The following CHST4 variants were observed in gnomAD, a reference collection of about 807,000 sequenced individuals.
CHST4 encodes the protein carbohydrate sulfotransferase 4, also known as GST-3.
For missense variants in CHST4, 466 were observed against 506.0 expected (o/e 0.92, Z 0.76); for synonymous variants, 171 against 195.5 (o/e 0.87, Z 1.05).
chr16:71,536,065 T>C (rs1338208359), intron 1 of CHST4, among the ~76,000 whole-genome samples: 1 of 152,176 alleles, frequency 6.6e-6, no homozygotes, highest in Non-Finnish European at 1.5e-5. Context: ...AGCCAAGCAG[T>C]TGCACAGCCT....
chr16:71,528,906 A>G (rs544192988), intron 1 of CHST4, among the ~76,000 whole-genome samples: 4 of 152,238 alleles, frequency 2.6e-5, no homozygotes, highest in Admixed American at 1.3e-4. Flanking sequence ...TGTGCCAAAC[A>G]TAGATTCTCC....
chr16:71,530,482 T>G (rs945960402), intron 1 of CHST4, among the ~76,000 whole-genome samples: 5 of 151,916 alleles, frequency 3.3e-5, no homozygotes, highest in Non-Finnish European at 7.4e-5. Flanking sequence ...AAAAGATATT[T>G]TGGCCAGGTG....
At chr16:71,536,406 G>A (rs2043988563) in intron 1 of CHST4, among the ~76,000 whole-genome samples, 1 of 152,196 alleles carries the variant, frequency 6.6e-6, no homozygotes, top group Non-Finnish European at 1.5e-5. Context: ...AAACCAATGG[G>A]CAACGTGGCT....
chr16:71,533,254 G>A (rs1212736912), intron 1 of CHST4, among the ~76,000 whole-genome samples: 5 of 151,916 alleles, frequency 3.3e-5, no homozygotes, highest in South Asian at 2.1e-4. Flanking sequence ...GTGAAACCTC[G>A]TTTCTACTAA....
intron 1 of CHST4, among the ~76,000 whole-genome samples, chr16:71,536,221 A>G (rs2043987443): frequency 6.6e-6 from 1 of 152,160 alleles, no homozygotes; most frequent in Non-Finnish European, 1.5e-5. Flanking sequence ...TTCACTAGGT[A>G]GCTTATCTCC....
In CHST4 at chr16:71,530,783, G is replaced by GA. The variant is rs1025369069; in HGVS notation, c.-19+4296dup. ...AGTGAGACCCCCGACTCTAAAAAAG[G>GA]AAAAAAAAGATTTTGGGCCAGGCGT... is the stretch of plus-strand genomic sequence containing the variant. On this transcript the variant is annotated intron_variant, in intron 1 of 1. Transcript: ENST00000539698. Among the ~76,000 whole-genome samples the GA allele has an allele frequency of 6.2e-5, 9 of 144,500 alleles. No individual in the cohort carries two copies. The East Asian group carries it at 8.6e-4, about 14-fold the overall frequency. 94.8% of individuals were successfully genotyped at this position (144,500 alleles called of 152,430 possible). A position where few individuals can be genotyped will look rare whatever the true frequency, so the allele number is the denominator to read the frequency against.
intron 1 of CHST4, among the ~76,000 whole-genome samples, chr16:71,528,491 G>T (rs544579289): frequency 6.6e-6 from 1 of 152,278 alleles, no homozygotes; most frequent in South Asian, 2.1e-4. Context: ...GCCCTGGCGG[G>T]ACCCAGGTCC....
At position 71,537,117 on chromosome 16, in the gene CHST4, TC is replaced by T; in HGVS notation, c.445del (p.Arg149GlyfsTer43). The T allele has an allele frequency of 1.2e-6, 2 of 1,614,032 alleles. No individual in the cohort carries two copies. Among genetic ancestry groups the T allele is most frequent in the Non-Finnish European group, 1.7e-6 (2 of 1,180,006 alleles). ...GACATCATCCCACAAGATGAAATCATCCCCCGGGCTCACTGCAGGCTCCTGT... is the reference window on the plus strand; with the variant it reads ...GACATCATCCCACAAGATGAAATCATCCCCGGGCTCACTGCAGGCTCCTGT... ...ACDIIPQDEI[I>X]PRAHCRLLCS... On this transcript the variant is annotated frameshift_variant, in exon 2 of 2. Transcript: ENST00000539698. LOFTEE classifies it low-confidence loss of function (END_TRUNC). The surrounding 1 kb of genome is among the most constrained non-coding windows in gnomAD (Gnocchi z 4.2).
At chr16:71,532,669 G>C (rs2043957265) in intron 1 of CHST4, among the ~76,000 whole-genome samples, 1 of 152,136 alleles carries the variant, frequency 6.6e-6, no homozygotes, top group South Asian at 2.1e-4. Context: ...CTCCTTTGTG[G>C]CTACCCAATT....
chr16:71,527,425 G>A (rs1306194867), intron 1 of CHST4, among the ~76,000 whole-genome samples: 1 of 152,136 alleles, frequency 6.6e-6, no homozygotes, highest in Non-Finnish European at 1.5e-5. Context: ...ACTTTAGGGA[G>A]ACATGAGACT....
intron 1 of CHST4, among the ~76,000 whole-genome samples, chr16:71,530,777 A>C (rs1170877568): frequency 1.3e-5 from 2 of 148,430 alleles, no homozygotes; most frequent in African/African-American, 5.0e-5. Flanking sequence ...CCCGACTCTA[A>C]AAAAGGAAAA....
At chr16:71,534,145 A>G (rs1250206684) in intron 1 of CHST4, among the ~76,000 whole-genome samples, 3 of 151,942 alleles carry the variant, frequency 2.0e-5, no homozygotes, top group Admixed American at 6.6e-5. Context: ...CCTCCTGCAT[A>G]CAGAATCTGA....
At position 71,537,518 on chromosome 16, in the gene CHST4, C is replaced by A. The variant is rs188876913; in HGVS notation, c.841C>A (p.Arg281=). The A allele has an allele frequency of 6.8e-6, 11 of 1,614,184 alleles. No homozygotes were observed. The South Asian group carries it at 9.9e-5, about 14-fold the overall frequency. The change falls in exon 2 of 2, where the codon CGA becomes AGA. Residue 281 remains arginine (R), a synonymous_variant. Coordinates refer to ENST00000539698, the MANE Select transcript of CHST4 (RefSeq NM_001166395.2). The surrounding 1 kb of genome is among the most constrained non-coding windows in gnomAD (Gnocchi z 4.2). ...YLLVRYEDLA[R]APVAQTSRMY... ...GCTTGTGCGCTATGAGGACCTGGCT[C>A]GAGCCCCTGTGGCCCAGACTTCCCG...
intron 1 of CHST4, among the ~76,000 whole-genome samples, chr16:71,527,885 C>T (rs2043920071): frequency 6.6e-6 from 1 of 152,040 alleles, no homozygotes; most frequent in Admixed American, 6.5e-5. Flanking sequence ...TGTTTCTTAT[C>T]AGACTTAAGG....
intron 1 of CHST4, among the ~76,000 whole-genome samples, chr16:71,533,171 T>A (rs2043960640): frequency 6.6e-6 from 1 of 152,062 alleles, no homozygotes; most frequent in South Asian, 2.1e-4. Context: ...GCCTATATAA[T>A]CCCAGCACTT....
At chr16:71,531,023 G>C (rs915585766) in intron 1 of CHST4, among the ~76,000 whole-genome samples, 9 of 152,204 alleles carry the variant, frequency 5.9e-5, no homozygotes, top group African/African-American at 2.2e-4. Flanking sequence ...AGAAGTTGCA[G>C]TGAGCTGAGA....
At chr16:71,533,366 A>G (rs2043962103) in intron 1 of CHST4, among the ~76,000 whole-genome samples, 1 of 150,888 alleles carries the variant, frequency 6.6e-6, no homozygotes. Context: ...CAGAGGTTTC[A>G]GTCAACCGAG....
intron 1 of CHST4, among the ~76,000 whole-genome samples, chr16:71,535,943 C>A (rs935804222): frequency 6.6e-6 from 1 of 152,136 alleles, no homozygotes; most frequent in Non-Finnish European, 1.5e-5. Flanking sequence ...AGGTCAGGTG[C>A]TAGACGTAGA....
At chr16:71,529,940 G>C (rs2043935777) in intron 1 of CHST4, among the ~76,000 whole-genome samples, 1 of 152,138 alleles carries the variant, frequency 6.6e-6, no homozygotes, top group Non-Finnish European at 1.5e-5. Context: ...CTGAGGTCAG[G>C]GGTTCGAGAC....
Sources: allele counts gnomAD v4.1 joint callset (sites outside exome capture counted in the v4.1 genomes callset), GRCh38; gene constraint gnomAD v4.1.1; non-coding constraint Gnocchi (gnomAD v3.1); transcripts MANE v1.5; gene names NCBI Gene and HGNC (gene_info 2026-07-23, HGNC 2026-07-21).